Variants in SLIT2 observed in about 807,000 individuals in gnomAD.
SLIT2 encodes the protein slit homolog 2 protein.
A neutral mutation model predicts 185.7 loss-of-function variants in SLIT2; 41 were observed. That is an observed-to-expected ratio of 0.22 (90% CI 0.17 to 0.29). The LOEUF (loss-of-function observed/expected upper bound fraction) is 0.29. Ranked by LOEUF, SLIT2 falls within the 10% of genes least tolerant of loss-of-function variation. SLIT2 has a pLI of 1.00. For synonymous variants in SLIT2, 693 were observed against 680.2 expected (o/e 1.02, Z -0.29); for missense variants, 1,571 against 1,909.0 (o/e 0.82, Z 3.30).
intron 1 of SLIT2, among the ~76,000 whole-genome samples, chr4:20,255,603 G>A (rs1711727556): frequency 6.6e-6 from 1 of 151,942 alleles, no homozygotes; most frequent in Admixed American, 6.5e-5. Flanking sequence ...GTCATTTCAT[G>A]CTATTCAGAA....
intron 6 of SLIT2, among the ~76,000 whole-genome samples, chr4:20,481,036 A>G (rs1226874415): frequency 4.6e-5 from 7 of 152,104 alleles, no homozygotes; most frequent in Non-Finnish European, 1.0e-4. Context: ...TGTTTTTATG[A>G]GATTCATAGA....
At chr4:20,472,301 T>G (rs1387120110) in intron 5 of SLIT2, among the ~76,000 whole-genome samples, 2 of 13,686 alleles carry the variant, frequency 1.5e-4, no homozygotes, top group African/African-American at 7.7e-4. Context: ...TATAGATATA[T>G]AGATCTATAT....
At chr4:20,338,961 C>T (rs1192197742) in intron 4 of SLIT2, among the ~76,000 whole-genome samples, 2 of 151,524 alleles carry the variant, frequency 1.3e-5, no homozygotes, top group East Asian at 3.9e-4. Flanking sequence ...GGCATGGTGG[C>T]GTGTGCCTGT....
At chr4:20,311,611 C>T (rs1718114546) in intron 4 of SLIT2, among the ~76,000 whole-genome samples, 1 of 151,962 alleles carries the variant, frequency 6.6e-6, no homozygotes, top group Non-Finnish European at 1.5e-5. Context: ...AAAGTTTGTT[C>T]TTAAGAATAA....
chr4:20,611,780 G>T (rs1470747903), intron 34 of SLIT2, among the ~76,000 whole-genome samples: 2 of 152,150 alleles, frequency 1.3e-5, no homozygotes, highest in Non-Finnish European at 2.9e-5. Flanking sequence ...TAGGAAATAG[G>T]TATGATTTTC....
intron 29 of SLIT2, chr4:20,573,311 C>A (rs1479447031): frequency 8.5e-6 from 6 of 702,828 alleles, no homozygotes; most frequent in Non-Finnish European, 1.6e-5. Flanking sequence ...CTCCCTCTTT[C>A]TTGTAAAGTT....
intron 4 of SLIT2, among the ~76,000 whole-genome samples, chr4:20,303,491 G>C (rs1372532583): frequency 6.6e-6 from 1 of 151,828 alleles, no homozygotes; most frequent in Non-Finnish European, 1.5e-5. Context: ...ATATATGAAA[G>C]ACAGTACATT....
rs539017869 is a variant in SLIT2, at chr4:20,556,390, AC to A, written c.2725+2423del. On this transcript the variant is annotated intron_variant, in intron 26 of 36. Coordinates refer to ENST00000504154, the MANE Select transcript of SLIT2 (RefSeq NM_004787.4). The stretch of plus-strand genomic sequence containing the variant: ...CCTTTCTGTGCCCAGCGATACTCAT[AC>A]TTTATTTTCAATAATGCTAATGCTT... Among the ~76,000 whole-genome samples, 599 of 152,146 alleles carry A rather than the reference AC, an allele frequency of 3.9e-3. 10 individuals are homozygous for A. The highest frequency in any genetic ancestry group is 0.014 in the African/African-American group (562 of 41,434).
chr4:20,260,897 T>C (rs1219494753), intron 3 of SLIT2, among the ~76,000 whole-genome samples: 1 of 151,778 alleles, frequency 6.6e-6, no homozygotes, highest in East Asian at 1.9e-4. Context: ...CCTTCTTTTT[T>C]TCTTCCATTT....
At chr4:20,589,900 CTTTTTT>C (rs34384249) in intron 30 of SLIT2, among the ~76,000 whole-genome samples, 163 bp downstream of exon 30, 1 of 84,502 alleles carries the variant, frequency 1.2e-5, no homozygotes, top group African/African-American at 4.9e-5. Flanking sequence ...ACAATATGGA[CTTTTTT>C]TTTTTTTTTT....
intron 9 of SLIT2, among the ~76,000 whole-genome samples, chr4:20,493,674 T>A (rs1429289822): frequency 6.6e-6 from 1 of 152,174 alleles, no homozygotes; most frequent in Non-Finnish European, 1.5e-5. Flanking sequence ...GACAAGTTAC[T>A]TATCCTCTGA....
intron 4 of SLIT2, among the ~76,000 whole-genome samples, chr4:20,455,471 A>C (rs144277376): frequency 6.6e-6 from 1 of 152,188 alleles, no homozygotes; most frequent in African/African-American, 2.4e-5. Flanking sequence ...GGAACCAAAG[A>C]GAATAGTAAA....
chr4:20,610,260 T>A (rs759928229), intron 34 of SLIT2, 93 bp downstream of exon 34: 5 of 1,127,662 alleles, frequency 4.4e-6, no homozygotes, highest in Non-Finnish European at 6.3e-6. Flanking sequence ...TATATCAGGA[T>A]TTGTCATTGA....
rs1723163183 is a variant in SLIT2, at chr4:20,366,890, TGGGCTCAA to T, written c.395+98011_395+98018del. Among the ~76,000 whole-genome samples the T allele has an allele frequency of 2.0e-5, 3 of 151,990 alleles. No homozygotes were observed. In the South Asian group the frequency reaches 6.2e-4, roughly 32 times the overall value. On this transcript the variant is annotated intron_variant, in intron 4 of 36. Coordinates refer to ENST00000504154, the MANE Select transcript of SLIT2 (RefSeq NM_004787.4). ...GCAGCTCACTGCAGCCTCAACCTCC[TGGGCTCAA>T]GTGATCCTCCAACCTCAGCCTCCCA...
At position 20,257,891 on chromosome 4, in the gene SLIT2, G is replaced by A. The variant is rs142539260; in HGVS notation, c.275G>A (p.Ser92Asn). The A allele has an allele frequency of 3.3e-4, 518 of 1,571,970 alleles. 6 individuals are homozygous for A. The African/African-American group carries it at 6.0e-3, about 18-fold the overall frequency. The part of the protein sequence containing the change: ...RVLQLMENKI[S>N]TIERGAFQDL... ...AGTCAGCTTATGGAGAATAAGATTA[G>A]CACCATTGAAAGAGGAGCATTCCAG... is the stretch of plus-strand genomic sequence containing the variant. Residue 92 changes from serine to asparagine, a missense_variant, in exon 3 of 37, where the codon AGC becomes AAC. By Grantham distance (46) the Ser-to-Asn change is conservative. Transcript: ENST00000504154.
intron 4 of SLIT2, among the ~76,000 whole-genome samples, chr4:20,450,514 A>G (rs548159518): frequency 1.3e-5 from 2 of 152,298 alleles, no homozygotes; most frequent in South Asian, 4.2e-4. Context: ...ACGTTCTGCC[A>G]GAGAACACAT....
chr4:20,557,337 T>C (rs1174777805), intron 26 of SLIT2, among the ~76,000 whole-genome samples: 2 of 152,042 alleles, frequency 1.3e-5, no homozygotes, highest in Non-Finnish European at 2.9e-5. Context: ...GCTGACTGTC[T>C]TGTTAGGGGC....
intron 4 of SLIT2, among the ~76,000 whole-genome samples, chr4:20,439,745 C>G (rs1033871189): frequency 6.6e-6 from 1 of 152,114 alleles, no homozygotes; most frequent in African/African-American, 2.4e-5. Context: ...AACTTGGATT[C>G]TAAAACTCAC....
chr4:20,534,532 G>T (rs2148866382), intron 18 of SLIT2, among the ~76,000 whole-genome samples: 1 of 152,246 alleles, frequency 6.6e-6, no homozygotes, highest in Middle Eastern at 3.4e-3. Context: ...TATCTAAAAA[G>T]TATATAATTA....
Sources: gnomAD v4.1 joint callset for allele counts (sites outside exome capture counted in the v4.1 genomes callset) on GRCh38, gnomAD v4.1.1 for gene constraint, MANE v1.5 for transcripts, NCBI Gene and HGNC (gene_info 2026-07-23, HGNC 2026-07-21) for gene names.